Variants in DRC8 observed in about 807,000 individuals in gnomAD.
The protein encoded by DRC8 is dynein regulatory complex protein 8.
At chr1:245,107,860 T>C in the DRC8 span, among the ~76,000 whole-genome samples, 1 of 152,074 alleles carries the variant, frequency 6.6e-6, no homozygotes, top group Non-Finnish European at 1.5e-5. Context: ...ATAGTCATCA[T>C]CTCTAAGCTT....
chr1:244,989,231 T>A, the DRC8 span, among the ~76,000 whole-genome samples: 4 of 152,150 alleles, frequency 2.6e-5, no homozygotes, highest in Non-Finnish European at 4.4e-5. Flanking sequence ...ACCAGGCCAA[T>A]AAAGTAATTT....
the DRC8 span, among the ~76,000 whole-genome samples, chr1:245,076,912 A>T: frequency 2.6e-5 from 4 of 152,056 alleles, no homozygotes; most frequent in Non-Finnish European, 5.9e-5. Flanking sequence ...TTTTTAGTAG[A>T]GATGGGGTTT....
the DRC8 span, chr1:245,081,997 T>C: frequency 3.7e-6 from 4 of 1,085,838 alleles, no homozygotes; most frequent in African/African-American, 3.0e-5. Context: ...CCAGAGTCTC[T>C]AGCACTTGGC....
the DRC8 span, chr1:245,087,678 T>C: frequency 9.6e-7 from 1 of 1,036,444 alleles, no homozygotes; most frequent in East Asian, 1.0e-4. Context: ...TGAAAATGAC[T>C]TAATTACCCA....
chr1:245,050,038 G>C, the DRC8 span, among the ~76,000 whole-genome samples: 2 of 152,168 alleles, frequency 1.3e-5, no homozygotes, highest in Non-Finnish European at 2.9e-5. Context: ...TGGATTCTGC[G>C]AAGACGAACC....
the DRC8 span, chr1:245,083,720 T>G: frequency 2.2e-5 from 35 of 1,584,870 alleles, no homozygotes; most frequent in Non-Finnish European, 2.7e-5. Flanking sequence ...TCACAATGAC[T>G]TATGTGAGGA....
chr1:245,031,478 A>C, the DRC8 span, among the ~76,000 whole-genome samples: 2 of 151,852 alleles, frequency 1.3e-5, no homozygotes, highest in Non-Finnish European at 2.9e-5. Flanking sequence ...TGATATATAC[A>C]GTATAGTGAC....
the DRC8 span, among the ~76,000 whole-genome samples, chr1:245,069,534 G>A: frequency 2.3e-3 from 347 of 152,252 alleles, no homozygotes; most frequent in African/African-American, 7.8e-3. Flanking sequence ...GTAGTTATAA[G>A]TATTAATGCA....
the DRC8 span, among the ~76,000 whole-genome samples, chr1:244,989,999 A>T: frequency 1.3e-5 from 2 of 152,226 alleles, no homozygotes; most frequent in Non-Finnish European, 2.9e-5. Context: ...CAGTTTATCC[A>T]CATTGTATAT....
chr1:244,970,414 G>A, the DRC8 span: 1 of 1,538,994 alleles, frequency 6.5e-7, no homozygotes, highest in Middle Eastern at 1.7e-4. Context: ...CGGCTCCGCA[G>A]CAAGATGGCG....
the DRC8 span, among the ~76,000 whole-genome samples, chr1:245,051,393 T>TC: frequency 2.6e-5 from 4 of 150,948 alleles, no homozygotes; most frequent in African/African-American, 4.9e-5. Flanking sequence ...ATCTCCTCAA[T>TC]CCCCCCCACC....
chr1:245,087,214 A>C, the DRC8 span: 1 of 1,599,012 alleles, frequency 6.3e-7, no homozygotes, highest in South Asian at 1.1e-5. Flanking sequence ...GATGATCCTA[A>C]ATGATAAATT....
At chr1:244,982,197 C>G in the DRC8 span, among the ~76,000 whole-genome samples, 3 of 152,146 alleles carry the variant, frequency 2.0e-5, no homozygotes, top group African/African-American at 7.2e-5. Context: ...GGGGTAAAGC[C>G]TCACACTAGT....
the DRC8 span, among the ~76,000 whole-genome samples, chr1:245,096,660 G>A: frequency 6.6e-6 from 1 of 152,220 alleles, no homozygotes; most frequent in Non-Finnish European, 1.5e-5. Context: ...GACTCACAGA[G>A]GACTTCATAG....
chr1:244,982,367 A>G, the DRC8 span, among the ~76,000 whole-genome samples: 5 of 152,118 alleles, frequency 3.3e-5, no homozygotes, highest in Non-Finnish European at 7.3e-5. Context: ...ACTGTGATTA[A>G]TATGTTAAAG....
At chr1:245,081,469 ATTT>A in the DRC8 span, among the ~76,000 whole-genome samples, 6 of 144,232 alleles carry the variant, frequency 4.2e-5, no homozygotes, top group African/African-American at 1.6e-4. Flanking sequence ...CAATTTTTTT[ATTT>A]TTTATTTTTT....
the DRC8 span, among the ~76,000 whole-genome samples, chr1:245,003,678 C>T: frequency 6.6e-6 from 1 of 152,138 alleles, no homozygotes; most frequent in Admixed American, 6.5e-5. Context: ...CAGCCTTGAC[C>T]TCCTGGGCTC....
At chr1:245,084,069 C>CCG in the DRC8 span, among the ~76,000 whole-genome samples, 23 of 119,876 alleles carry the variant, frequency 1.9e-4, 2 homozygotes, top group Admixed American at 4.0e-4. Context: ...TCCGCCCCCC[C>CCG]CCCGGCGCCC....
the DRC8 span, chr1:245,082,183 G>A: frequency 3.8e-6 from 6 of 1,581,432 alleles, no homozygotes; most frequent in Admixed American, 3.3e-5. Flanking sequence ...AAATGCAATT[G>A]TTAAGGCAAA....
Sources: allele counts gnomAD v4.1 joint callset (sites outside exome capture counted in the v4.1 genomes callset), GRCh38; gene constraint gnomAD v4.1.1; transcripts MANE v1.5; gene names NCBI Gene and HGNC (gene_info 2026-07-23, HGNC 2026-07-21).